ZDHHC11B: variants seen among roughly 807,000 people sequenced by gnomAD.
ZDHHC11B encodes the protein zDHHC palmitoyltransferase 11B (putative), also known as probable palmitoyltransferase ZDHHC11B.
A neutral mutation model predicts 42.3 loss-of-function variants in ZDHHC11B; 17 were observed. The observed-to-expected ratio is 0.40, with a 90% CI of 0.27 to 0.60. ZDHHC11B has a LOEUF of 0.60. ZDHHC11B is among the 20% of genes least tolerant of loss of function. The pLI, the probability that ZDHHC11B is intolerant of heterozygous loss-of-function variation, is 0.41. For missense variants in ZDHHC11B, 262 were observed against 463.2 expected, an observed-to-expected ratio of 0.57 and a Z score of 3.99; for synonymous variants, 123 against 193.5, an observed-to-expected ratio of 0.64 and a Z score of 3.02.
chr5:773,115 G>A (rs1443557682), intron 1 of ZDHHC11B, among the ~76,000 whole-genome samples: 5 of 151,786 alleles, frequency 3.3e-5, no homozygotes, highest in Admixed American at 6.6e-5. Flanking sequence ...TTTCCACAAT[G>A]ACGGTAATAA....
chr5:769,551 C>T (rs1179972668), intron 1 of ZDHHC11B, among the ~76,000 whole-genome samples: 3 of 151,910 alleles, frequency 2.0e-5, no homozygotes, highest in African/African-American at 7.3e-5. Context: ...CGGGTGAGAG[C>T]GAGGGAAGCA....
At chr5:748,974 C>CCGGGGTCACAG in intron 7 of ZDHHC11B, among the ~76,000 whole-genome samples, 10 of 28,912 alleles carry the variant, frequency 3.5e-4, no homozygotes, top group African/African-American at 2.1e-3. Context: ...TTCCTAAGTG[C>CCGGGGTCACAG]TGGGGTCACA....
At chr5:741,736 C>T (rs1396774468) in intron 9 of ZDHHC11B, 108 bp from the exon 10 acceptor site, 3 of 1,225,042 alleles carry the variant, frequency 2.4e-6, no homozygotes, top group East Asian at 5.2e-5. Context: ...GGAATGGTAC[C>T]TGGAGTTCTC....
At chr5:770,835 A>G (rs1735965399) in intron 1 of ZDHHC11B, among the ~76,000 whole-genome samples, 1 of 151,856 alleles carries the variant, frequency 6.6e-6, no homozygotes, top group South Asian at 2.1e-4. Context: ...GGACTTGGTA[A>G]GGCGCCCGCC....
intron 5 of ZDHHC11B, 67 bp downstream of exon 5, chr5:755,899 G>A: frequency 1.8e-6 from 1 of 568,782 alleles, no homozygotes. Context: ...GGCCAGCAGT[G>A]ACCTGAGCAC....
At chr5:739,680 GT>G (rs1743948702) in intron 10 of ZDHHC11B, among the ~76,000 whole-genome samples, 1 of 146,312 alleles carries the variant, frequency 6.8e-6, no homozygotes, top group Non-Finnish European at 1.5e-5. Context: ...ATGTAAACTA[GT>G]ACAACTACTA....
chr5:758,991 T>G (rs1262621508), intron 4 of ZDHHC11B, among the ~76,000 whole-genome samples: 1 of 152,004 alleles, frequency 6.6e-6, no homozygotes, highest in East Asian at 1.9e-4. Context: ...AGCCCCGGGA[T>G]AGAGATGACA....
intron 1 of ZDHHC11B, among the ~76,000 whole-genome samples, chr5:773,249 T>C (rs1416966229): frequency 1.3e-5 from 2 of 151,926 alleles, no homozygotes; most frequent in Non-Finnish European, 2.9e-5. Context: ...TCTCCTTGGA[T>C]GGGCAGAGGC....
In ZDHHC11B at chr5:778,115, G is replaced by C. The variant is rs769706983; in HGVS notation, c.-230+6553C>G. On this transcript the variant is annotated intron_variant, in intron 1 of 13. Transcript: ENST00000508859. ...TGCAAAGGACGCTGCGGCGGAGACT[G>C]ATACGGGTCTGAGATGGCTGTCCAA... Among the ~76,000 whole-genome samples, 16 of 151,912 alleles carry C rather than the reference G, an allele frequency of 1.1e-4. 1 individual carries two copies. The highest frequency in any genetic ancestry group is 2.1e-4 in the Non-Finnish European group (14 of 67,914).
chr5:765,765 G>A (rs79381668), intron 4 of ZDHHC11B, among the ~76,000 whole-genome samples: 9,229 of 150,370 alleles, frequency 0.061, 432 homozygotes, highest in East Asian at 0.24. Flanking sequence ...ACCACCAGAA[G>A]GAAGAAATTC....
At chr5:715,504 C>G (rs1264079031) in intron 13 of ZDHHC11B, among the ~76,000 whole-genome samples, 4 of 150,452 alleles carry the variant, frequency 2.7e-5, no homozygotes, top group Admixed American at 6.6e-5. Flanking sequence ...CTTCTTCTTT[C>G]CTTGAAAGAT....
intron 4 of ZDHHC11B, among the ~76,000 whole-genome samples, chr5:762,559 A>G (rs432044): frequency 0.76 from 114,737 of 151,162 alleles, 41,640 homozygotes; most frequent in East Asian, 0.82. Context: ...CCAAATCCCC[A>G]GGGAGACACC....
intron 1 of ZDHHC11B, among the ~76,000 whole-genome samples, chr5:774,070 C>T (rs540532972): frequency 6.2e-4 from 94 of 151,908 alleles, no homozygotes; most frequent in African/African-American, 2.2e-3. Flanking sequence ...GTCACCAGCT[C>T]CAAGGACTCG....
chr5:716,935 G>T, intron 12 of ZDHHC11B, 70 bp from the exon 13 acceptor site: 2 of 1,604,766 alleles, frequency 1.2e-6, no homozygotes, highest in Non-Finnish European at 8.5e-7. Context: ...CTGCCAAAGT[G>T]CACAAAATGT....
chr5:719,941 C>T (rs1257103038), intron 12 of ZDHHC11B, among the ~76,000 whole-genome samples: 1 of 151,740 alleles, frequency 6.6e-6, no homozygotes, highest in Non-Finnish European at 1.5e-5. Flanking sequence ...CATGAATGAT[C>T]CCTTTGTCCA....
intron 6 of ZDHHC11B, among the ~76,000 whole-genome samples, chr5:751,465 A>T (rs190139628): frequency 4.4e-5 from 1 of 22,562 alleles, no homozygotes; most frequent in African/African-American, 1.1e-4. Context: ...AGGGCATCTG[A>T]GGCAGGGGCG....
intron 1 of ZDHHC11B, among the ~76,000 whole-genome samples, chr5:778,805 G>T (rs1736750697): frequency 1.3e-5 from 2 of 151,906 alleles, no homozygotes; most frequent in South Asian, 4.2e-4. Flanking sequence ...GAGAAGAGAA[G>T]AAGGTGCTAC....
chr5:772,760 G>C (rs3965380), intron 1 of ZDHHC11B, among the ~76,000 whole-genome samples: 6 of 149,862 alleles, frequency 4.0e-5, no homozygotes, highest in Non-Finnish European at 7.4e-5. Context: ...GAGCAGTGCC[G>C]ACCTCAGACG....
chr5:754,184 C>T (rs7711376), intron 6 of ZDHHC11B, among the ~76,000 whole-genome samples: 13,603 of 53,784 alleles, frequency 0.25, 1,184 homozygotes, highest in Middle Eastern at 0.33. Context: ...GGAAACATCT[C>T]TCGTCTATGA....
Sources: allele counts gnomAD v4.1 joint callset (sites outside exome capture counted in the v4.1 genomes callset), GRCh38; gene constraint gnomAD v4.1.1; transcripts MANE v1.5; gene names NCBI Gene and HGNC (gene_info 2026-07-23, HGNC 2026-07-21).